XYLT1: variants seen among roughly 807,000 people sequenced by gnomAD.
XYLT1 encodes xylosyltransferase 1.
In XYLT1, 36 loss-of-function variants were observed where a neutral mutation model predicts 91.3. That is an observed-to-expected ratio of 0.39 (90% CI 0.30 to 0.52). The LOEUF is 0.52. Among genes scored for constraint, XYLT1 ranks in the 20% least tolerant of loss-of-function variants. The pLI is 0.68. For synonymous variants in XYLT1, 588 were observed against 532.0 expected, an observed-to-expected ratio of 1.11 and a Z score of -1.45; for missense variants, 1,242 against 1,284.5, an observed-to-expected ratio of 0.97 and a Z score of 0.51.
At chr16:17,169,731 T>A (rs560995090) in intron 5 of XYLT1, among the ~76,000 whole-genome samples, 112 of 152,300 alleles carry the variant, frequency 7.4e-4, no homozygotes, top group African/African-American at 2.6e-3. Flanking sequence ...TTAACTGTAT[T>A]TTGATTCTCT....
At chr16:17,217,957 TA>T (rs10712419) in intron 3 of XYLT1, among the ~76,000 whole-genome samples, 50,613 of 144,798 alleles carry the variant, frequency 0.35, 10,203 homozygotes, top group East Asian at 0.54. Flanking sequence ...ATAATAATAA[TA>T]AAAAAAAAAA....
At chr16:17,455,124 G>A (rs1309343598) in intron 1 of XYLT1, among the ~76,000 whole-genome samples, 2 of 152,058 alleles carry the variant, frequency 1.3e-5, no homozygotes. Context: ...AAAAGTACCT[G>A]GTGGGGTTAG....
At chr16:17,220,922 T>C (rs975587279) in intron 3 of XYLT1, among the ~76,000 whole-genome samples, 1 of 152,144 alleles carries the variant, frequency 6.6e-6, no homozygotes, top group African/African-American at 2.4e-5. Context: ...ACAGATTGTG[T>C]AGTATTGGAG....
intron 1 of XYLT1, among the ~76,000 whole-genome samples, chr16:17,392,495 G>C (rs9940956): frequency 0.69 from 104,202 of 152,086 alleles, 38,310 homozygotes; most frequent in African/African-American, 0.93. Context: ...ATCTCTGTGT[G>C]TTATTCACTG....
At chr16:17,122,175 TC>T (rs775525918) in intron 10 of XYLT1, among the ~76,000 whole-genome samples, 67 of 152,238 alleles carry the variant, frequency 4.4e-4, no homozygotes, top group Non-Finnish European at 8.7e-4. Context: ...TTAAGGAATC[TC>T]CACATTGTTT....
At chr16:17,122,485 T>G (rs2030102068) in intron 10 of XYLT1, among the ~76,000 whole-genome samples, 1 of 152,250 alleles carries the variant, frequency 6.6e-6, no homozygotes. Flanking sequence ...ATTCTAGATA[T>G]TAGTCCTTTG....
rs575399006 is a variant in XYLT1 at position 17,351,752 on chromosome 16, G to T, written c.402+6260C>A. The stretch of plus-strand genomic sequence containing the variant: ...CTGACATTTGAGGCTTTTTTTTTGG[G>T]GGGGGGTGCTTTCCTGTGCATTATG... On this transcript the variant is annotated intron_variant, in intron 2 of 11. Transcript: ENST00000261381. Among the ~76,000 whole-genome samples, 490 of 149,698 alleles carry T rather than the reference G, an allele frequency of 3.3e-3. 9 individuals carry two copies. Among genetic ancestry groups the T allele is most frequent in the Non-Finnish European group, 5.2e-3 (352 of 67,502 alleles).
intron 3 of XYLT1, among the ~76,000 whole-genome samples, chr16:17,233,316 C>A (rs902137516): frequency 2.6e-5 from 4 of 152,212 alleles, no homozygotes; most frequent in African/African-American, 9.6e-5. Context: ...AGGCACTGCC[C>A]ATCCTGCTTG....
chr16:17,259,737 A>T (rs2033694398), intron 2 of XYLT1, among the ~76,000 whole-genome samples: 1 of 152,192 alleles, frequency 6.6e-6, no homozygotes, highest in Admixed American at 6.5e-5. Context: ...AAGTGCCATG[A>T]CTACGATTCT....
intron 1 of XYLT1, among the ~76,000 whole-genome samples, chr16:17,362,009 T>C (rs1313578411): frequency 1.3e-5 from 2 of 152,188 alleles, no homozygotes; most frequent in Non-Finnish European, 2.9e-5. Context: ...ATGGAGAAAC[T>C]GATGACCAGA....
chr16:17,360,515 C>G (rs2035366819), intron 1 of XYLT1, among the ~76,000 whole-genome samples: 1 of 152,200 alleles, frequency 6.6e-6, no homozygotes, highest in African/African-American at 2.4e-5. Flanking sequence ...TTAGCATCTT[C>G]ATTAACTAAC....
intron 1 of XYLT1, among the ~76,000 whole-genome samples, chr16:17,396,881 T>G (rs915440805): frequency 6.6e-6 from 1 of 152,040 alleles, no homozygotes; most frequent in Non-Finnish European, 1.5e-5. Context: ...AAAAAAAGTA[T>G]CTAACTAGAG....
chr16:17,181,510 C>T (rs746184612), intron 5 of XYLT1, among the ~76,000 whole-genome samples: 1 of 152,122 alleles, frequency 6.6e-6, no homozygotes, highest in East Asian at 1.9e-4. Context: ...TGCCCAATTC[C>T]GGATTAGGTC....
chr16:17,202,664 C>T (rs907360541), intron 3 of XYLT1, among the ~76,000 whole-genome samples: 14 of 152,198 alleles, frequency 9.2e-5, no homozygotes, highest in African/African-American at 1.7e-4. Flanking sequence ...TCACCTCACC[C>T]GCACCTCTTT....
chr16:17,182,210 C>A (rs984192885), intron 5 of XYLT1, among the ~76,000 whole-genome samples: 3 of 152,164 alleles, frequency 2.0e-5, no homozygotes, highest in Non-Finnish European at 4.4e-5. Flanking sequence ...TCTGTACAGG[C>A]TGCTATAACA....
chr16:17,272,153 GTTTTTTTTTTTT>G (rs35561235), intron 2 of XYLT1, among the ~76,000 whole-genome samples: 27 of 80,314 alleles, frequency 3.4e-4, no homozygotes, highest in Admixed American at 2.3e-3. Flanking sequence ...TTTGTTGTTG[GTTTTTTTTTTTT>G]TTTTTTTTTT....
At chr16:17,443,648 T>G (rs1394062092) in intron 1 of XYLT1, among the ~76,000 whole-genome samples, 1 of 152,236 alleles carries the variant, frequency 6.6e-6, no homozygotes, top group Non-Finnish European at 1.5e-5. Flanking sequence ...GAGAATGGAC[T>G]AATACAGCAT....
Position 17,200,628 on chromosome 16 carries a change from C to G in XYLT1, c.940G>C (p.Asp314His). Residue 314 changes from aspartate to histidine, a missense_variant, in exon 4 of 12, where the codon GAC (aspartate) becomes CAC (histidine). By Grantham distance (81) the Asp-to-His change is moderately conservative. Coordinates refer to ENST00000261381, the MANE Select transcript of XYLT1 (RefSeq NM_022166.4). ...EGKANKNVQW[D>H]EDSVEYMPAN... ...GGCATGTACTCCACGGAGTCCTCGT[C>G]CCACTGCACGTTCTTGTTGGCTTTA... 1.2e-6 allele frequency: 2 copies of G among 1,613,908 alleles called. No individual in the cohort carries two copies.
Position 17,141,298 on chromosome 16 carries a change from C to T in XYLT1, c.1442G>A (p.Arg481Gln), listed in dbSNP as rs2030967454. 2.5e-6 allele frequency: 4 copies of T among 1,614,146 alleles called. No homozygotes were observed. The highest frequency in any genetic ancestry group is 2.5e-6 in the Non-Finnish European group (3 of 1,180,026). The change falls in exon 7 of 12, where the codon CGG becomes CAG. Residue 481 changes from arginine to glutamine, a missense_variant. By Grantham distance (43) the Arg-to-Gln change is conservative (BLOSUM62 1). This residue lies in a region of XYLT1 where 294 missense variants were observed against 376.0 expected (regional missense o/e 0.78). Coordinates refer to ENST00000261381, the MANE Select transcript of XYLT1 (RefSeq NM_022166.4). ...CACGGCAATGCCCTCTGGGATCCGCCGATCTCCCAGGCGCCACATGTGAGC... is the reference window on the plus strand; with the variant it reads ...CACGGCAATGCCCTCTGGGATCCGCTGATCTCCCAGGCGCCACATGTGAGC... ...CDAHMWRLGD[R>Q]RIPEGIAVDG...
Sources: allele counts gnomAD v4.1 joint callset (sites outside exome capture counted in the v4.1 genomes callset), GRCh38; gene constraint gnomAD v4.1.1; regional missense constraint gnomAD v4.1.1; transcripts MANE v1.5; gene names NCBI Gene and HGNC (gene_info 2026-07-23, HGNC 2026-07-21).